Variants in DLL4 observed in about 807,000 individuals in gnomAD.
DLL4 encodes delta-like protein 4.
A neutral mutation model predicts 73.6 loss-of-function variants in DLL4; 7 were observed. That is an observed-to-expected ratio of 0.10 (90% CI 0.05 to 0.18). The LOEUF (loss-of-function observed/expected upper bound fraction) is 0.18. Among genes scored for constraint, DLL4 ranks in the 10% least tolerant of loss-of-function variants. The pLI, the probability that DLL4 is intolerant of heterozygous loss-of-function variation, is 1.00. For synonymous variants in DLL4, 345 were observed against 374.3 expected (o/e 0.92, Z 0.90); for missense variants, 614 against 929.9 (o/e 0.66, Z 4.42).
rs1270398580 is a variant in DLL4 at position 40,938,135 on chromosome 15, G to C, written c.*101G>C. ...GGATGGGACGTTTTTCATATGCAAC[G>C]TGCTGCTCTCAGGAGGAGGAGGGAA... On this transcript the variant is annotated 3_prime_UTR_variant, in exon 11 of 11. Coordinates refer to ENST00000249749, the MANE Select transcript of DLL4 (RefSeq NM_019074.4). 7.6e-7 allele frequency: 1 copy of C among 1,313,546 alleles called. No homozygotes were observed. The highest frequency in any genetic ancestry group is 2.8e-5 in the East Asian group (1 of 35,802). 81.4% of individuals were successfully genotyped at this position (1,313,546 alleles called of 1,614,324 possible). A position where few individuals can be genotyped will look rare whatever the true frequency, so the allele number is the denominator to read the frequency against.
At chr15:40,934,796 T>C (rs2140370756) in intron 7 of DLL4, 79 bp downstream of exon 7, 1 of 1,587,192 alleles carries the variant, frequency 6.3e-7, no homozygotes, top group Admixed American at 1.7e-5. Context: ...TTAGTGGATG[T>C]ACAGCCATGG....
rs777963956 is a variant in DLL4, at chr15:40,938,016, C to T, written c.2053-13C>T. 26 of 1,600,366 alleles carry T rather than the reference C, an allele frequency of 1.6e-5. No individual in the cohort carries two copies. The highest frequency in any genetic ancestry group is 1.8e-5 in the Non-Finnish European group (21 of 1,174,064). On this transcript the variant is annotated splice_polypyrimidine_tract_variant and intron_variant, in intron 10 of 10. Transcript: ENST00000249749. ...CAGGGTAACCTGTTTCCCTGCCTTC[C>T]GCTTGCTCCCAGGTATAAGGCAGGA...
intron 9 of DLL4, 66 bp from the exon 10 acceptor site, chr15:40,937,352 A>C: frequency 1.7e-6 from 2 of 1,144,094 alleles, no homozygotes; most frequent in South Asian, 1.2e-5. Flanking sequence ...TTGGCTCTCC[A>C]GGGTCCTCCC....
rs377278209 is a variant in DLL4 at position 40,936,484 on chromosome 15, C to T, written c.1497C>T (p.Leu499=). ...CFNRATCYTD[L]STDTFVCNCP... Reference sequence around the variant, plus strand: ...ACAGGGCCACCTGCTACACCGACCTCTCCACAGACACCTTTGTGTGCAACT... The same window carrying T: ...ACAGGGCCACCTGCTACACCGACCTTTCCACAGACACCTTTGTGTGCAACT... The change falls in exon 9 of 11, where the codon CTC becomes CTT. Residue 499 remains leucine (L), a synonymous_variant. Transcript: ENST00000249749. 4.9e-5 allele frequency: 79 copies of T among 1,611,730 alleles called. No homozygotes were observed. The African/African-American group carries it at 8.4e-4, about 17-fold the overall frequency.
rs989876763 is a variant in DLL4, at chr15:40,930,153, G to A, written c.336+37G>A. ...CTGGGCGCACTGGGAGGTCGCAGAA[G>A]CCGAGAGAGGAGGCGCCCTGGGACC... On this transcript the variant is annotated intron_variant, in intron 2 of 10. Coordinates refer to ENST00000249749, the MANE Select transcript of DLL4 (RefSeq NM_019074.4). The surrounding 1 kb of genome is among the most constrained non-coding windows in gnomAD (Gnocchi z 5.7). 9 of 1,591,016 alleles carry A rather than the reference G, an allele frequency of 5.7e-6. No individual in the cohort carries two copies. Among genetic ancestry groups the A allele is most frequent in the Non-Finnish European group, 7.7e-6 (9 of 1,169,332 alleles).
chr15:40,930,124 C>A lies in DLL4; in HGVS notation c.336+8C>A, dbSNP rs767635802. On this transcript the variant is annotated splice_region_variant and intron_variant, in intron 2 of 10. Coordinates refer to ENST00000249749, the MANE Select transcript of DLL4 (RefSeq NM_019074.4). The surrounding 1 kb of genome is among the most constrained non-coding windows in gnomAD (Gnocchi z 5.7). ...TTCAATTTCACCTGGCCGGTGAGCA[C>A]AGCCTGGGCGCACTGGGAGGTCGCA... is the stretch of plus-strand genomic sequence containing the variant. 3.1e-6 allele frequency: 5 copies of A among 1,604,574 alleles called. No individual in the cohort carries two copies. The highest frequency in any genetic ancestry group is 4.2e-6 in the Non-Finnish European group (5 of 1,176,554).
In DLL4 at chr15:40,929,602, G is replaced by A; in HGVS notation, c.-67G>A. 2 of 1,395,874 alleles carry A rather than the reference G, an allele frequency of 1.4e-6. No individual in the cohort carries two copies. Among genetic ancestry groups the A allele is most frequent in the Non-Finnish European group, 1.9e-6 (2 of 1,062,712 alleles). 86.5% of individuals were successfully genotyped at this position (1,395,874 alleles called of 1,614,324 possible). On this transcript the variant is annotated 5_prime_UTR_variant, in exon 1 of 11. Coordinates refer to ENST00000249749, the MANE Select transcript of DLL4 (RefSeq NM_019074.4). This position sits in a 1 kb window ranked among gnomAD's most constrained non-coding sequence, Gnocchi z 7.1. ...GGACCCCGCCGGCTGGCGGACGCGCGGGAAAGCGGCGTCGCGAACAGAGCC... is the reference window on the plus strand; with the variant it reads ...GGACCCCGCCGGCTGGCGGACGCGCAGGAAAGCGGCGTCGCGAACAGAGCC...
intron 6 of DLL4, among the ~76,000 whole-genome samples, chr15:40,933,539 C>T (rs570539147): frequency 3.3e-5 from 5 of 152,180 alleles, no homozygotes; most frequent in African/African-American, 7.2e-5. Context: ...AAAAAATGCC[C>T]GATTACTGCC....
At position 40,938,316 on chromosome 15, in the gene DLL4, C is replaced by T. The variant is rs1596196146; in HGVS notation, c.*282C>T. On this transcript the variant is annotated 3_prime_UTR_variant, in exon 11 of 11. Transcript: ENST00000249749. Reference sequence around the variant, plus strand: ...GCACTGCCCTGCCAGTAGTGGCCTTCAGGGGGCTCCTTCCGGGGCTCCGGC... The same window carrying T: ...GCACTGCCCTGCCAGTAGTGGCCTTTAGGGGGCTCCTTCCGGGGCTCCGGC... 3 of 346,022 alleles carry T rather than the reference C, an allele frequency of 8.7e-6. No individual in the cohort carries two copies. The highest frequency in any genetic ancestry group is 1.6e-5 in the Non-Finnish European group (3 of 192,536). 21.4% of individuals were successfully genotyped at this position (346,022 alleles called of 1,614,324 possible).
At chr15:40,936,104 C>T in intron 8 of DLL4, 124 bp from the exon 9 acceptor site, 1 of 790,356 alleles carries the variant, frequency 1.3e-6, no homozygotes, top group Middle Eastern at 3.8e-4. Context: ...GTGCAGTTCT[C>T]TTTGTAGTGG....
At chr15:40,936,142 G>C in intron 8 of DLL4, 86 bp from the exon 9 acceptor site, 2 of 1,250,248 alleles carry the variant, frequency 1.6e-6, no homozygotes, top group Non-Finnish European at 2.2e-6. Flanking sequence ...AGAAGGGCCC[G>C]AACGTGTTCC....
intron 6 of DLL4, 98 bp from the exon 7 acceptor site, chr15:40,934,434 ACTTTGAGTTGAGGTGT>A: frequency 1.0e-6 from 1 of 972,286 alleles, no homozygotes; most frequent in Non-Finnish European, 1.5e-6. Context: ...GGCCTGGGAG[ACTTTGAGTTGAGGTGT>A]CTTTGAGCCA....
chr15:40,937,947 C>G (rs1892868323), intron 10 of DLL4, 82 bp from the exon 11 acceptor site: 2 of 1,561,320 alleles, frequency 1.3e-6, no homozygotes, highest in African/African-American at 2.7e-5. Flanking sequence ...CCATCGCCTT[C>G]TCCCAGGGAG....
At position 40,936,403 on chromosome 15, in the gene DLL4, C is replaced by G. The variant is rs766236166; in HGVS notation, c.1416C>G (p.Gly472=). The change falls in exon 9 of 11, where the codon GGC becomes GGG. Residue 472 remains glycine, a synonymous_variant. Transcript: ENST00000249749. ...LMCTCPAGFS[G]RRCEVRTSID... ...GCACCTGCCCTGCCGGCTTCTCTGG[C>G]CGACGCTGTGAGGTGCGGACATCCA... 19 of 1,611,514 alleles carry G rather than the reference C, an allele frequency of 1.2e-5. No homozygotes were observed. In the Admixed American group the frequency reaches 3.2e-4, roughly 27 times the overall value.
chr15:40,933,430 G>A (rs1892798944), intron 6 of DLL4, among the ~76,000 whole-genome samples: 1 of 152,102 alleles, frequency 6.6e-6, no homozygotes, highest in Non-Finnish European at 1.5e-5. Flanking sequence ...AGCACTTGCA[G>A]GCCATATATT....
At position 40,930,717 on chromosome 15, in the gene DLL4, CA is replaced by C; in HGVS notation, c.394+36del. 6.2e-7 allele frequency: 1 copy of C among 1,603,044 alleles called. No individual in the cohort carries two copies. The highest frequency in any genetic ancestry group is 8.5e-7 in the Non-Finnish European group (1 of 1,170,808). ...TCGCTCCGCCACCACAGGGGGGCGA[CA>C]CGGCGCAGCGCCGAAAGAGTTAATC... On this transcript the variant is annotated intron_variant, in intron 3 of 10. Transcript: ENST00000249749. The surrounding 1 kb of genome is among the most constrained non-coding windows in gnomAD (Gnocchi z 5.7).
intron 8 of DLL4, among the ~76,000 whole-genome samples, 164 bp downstream of exon 8, chr15:40,935,281 C>T (rs983931206): frequency 1.3e-5 from 2 of 152,230 alleles, no homozygotes; most frequent in South Asian, 2.1e-4. Flanking sequence ...GCTGTGGAAG[C>T]GGAGCTGGTT....
chr15:40,935,232 T>G, intron 8 of DLL4, 115 bp downstream of exon 8: 1 of 1,048,978 alleles, frequency 9.5e-7, no homozygotes, highest in Non-Finnish European at 1.4e-6. Context: ...GCCCCCCATC[T>G]GCTCTGGAGG....
Position 40,936,459 on chromosome 15 carries a change from A to G in DLL4, c.1472A>G (p.Asn491Ser), listed in dbSNP as rs545940366. 1.2e-5 allele frequency: 20 copies of G among 1,610,734 alleles called. No individual in the cohort carries two copies. The highest frequency in any genetic ancestry group is 1.1e-4 in the East Asian group (5 of 44,746). Residue 491 changes from asparagine to serine, a missense_variant, in exon 9 of 11, where the codon AAC becomes AGC. Physicochemically the swap from Asn to Ser is conservative, Grantham distance 46 (BLOSUM62 1). Around this residue, in one of 3 missense-constraint regions of DLL4, gnomAD observed 386 missense variants for 541.3 expected, o/e 0.71. Coordinates refer to ENST00000249749, the MANE Select transcript of DLL4 (RefSeq NM_019074.4). The stretch of plus-strand genomic sequence containing the variant: ...GCCTGTGCCTCGAGTCCCTGCTTCA[A>G]CAGGGCCACCTGCTACACCGACCTC... Reference protein sequence around the residue: ...IDACASSPCFNRATCYTDLST... With the variant: ...IDACASSPCFSRATCYTDLST...
Sources: gnomAD v4.1 joint callset for allele counts (sites outside exome capture counted in the v4.1 genomes callset) on GRCh38, gnomAD v4.1.1 for gene constraint, gnomAD v4.1.1 regional missense constraint, Gnocchi (gnomAD v3.1) non-coding constraint, MANE v1.5 for transcripts, NCBI Gene and HGNC (gene_info 2026-07-23, HGNC 2026-07-21) for gene names.